GLIS3: variants seen among roughly 807,000 people sequenced by gnomAD.
The protein encoded by GLIS3 is GLIS family zinc finger 3.
A neutral mutation model predicts 78.6 loss-of-function variants in GLIS3; 53 were observed. The observed-to-expected ratio is 0.67, with a 90% CI of 0.54 to 0.85. The LOEUF is 0.85. Ranked by LOEUF, GLIS3 falls within the 40% of genes least tolerant of loss-of-function variation. The probability of loss-of-function intolerance (pLI) is 0.00; values close to 1 mark genes in which losing one functional copy is unlikely to be tolerated. For synonymous variants in GLIS3, 684 were observed against 509.9 expected (o/e 1.34, Z -4.60); for missense variants, 1,703 against 1,231.1 (o/e 1.38, Z -5.74).
intron 3 of GLIS3, among the ~76,000 whole-genome samples, chr9:4,309,832 G>C (rs1371504702): frequency 2.0e-5 from 3 of 152,038 alleles, no homozygotes; most frequent in Non-Finnish European, 2.9e-5. Context: ...AACTCCGAAA[G>C]AGACATGTGA....
chr9:3,983,837 C>G (rs1819508176), intron 4 of GLIS3, among the ~76,000 whole-genome samples: 1 of 152,032 alleles, frequency 6.6e-6, no homozygotes, highest in Non-Finnish European at 1.5e-5. Context: ...AAGCAGAGCA[C>G]AAAAGTTTGG....
At chr9:4,111,675 T>C (rs1831221947) in intron 4 of GLIS3, among the ~76,000 whole-genome samples, 1 of 152,266 alleles carries the variant, frequency 6.6e-6, no homozygotes, top group African/African-American at 2.4e-5. Flanking sequence ...ATGTTGAACA[T>C]GTGCTTACAC....
At chr9:4,233,017 T>A in intron 2 of GLIS3, among the ~76,000 whole-genome samples, 1 of 152,318 alleles carries the variant, frequency 6.6e-6, no homozygotes, top group South Asian at 2.1e-4. Flanking sequence ...AGACCATTAC[T>A]ACCACCACAC....
At chr9:4,176,531 T>C (rs1816827112) in intron 2 of GLIS3, among the ~76,000 whole-genome samples, 3 of 152,170 alleles carry the variant, frequency 2.0e-5, no homozygotes, top group Non-Finnish European at 1.5e-5. Flanking sequence ...TTCTTTACTA[T>C]TGCACTTTTA....
At chr9:4,101,756 T>C (rs1368355753) in intron 4 of GLIS3, among the ~76,000 whole-genome samples, 2 of 151,804 alleles carry the variant, frequency 1.3e-5, no homozygotes, top group Non-Finnish European at 1.5e-5. Context: ...AAGCTTCTTT[T>C]TGGCTTTTCT....
chr9:4,145,315 C>T (rs1834131291), intron 2 of GLIS3: 1 of 152,240 alleles, frequency 6.6e-6, no homozygotes, highest in African/African-American at 2.4e-5. Flanking sequence ...TACATCAATA[C>T]AGGGTACCTC....
At position 4,197,365 on chromosome 9, in the gene GLIS3, A is replaced by G. The variant is rs566739540; in HGVS notation, c.389-71424T>C. ...GCCCTACCCTCCTTGTGTAGAGATCATGGTACAGGGAGGCATTCTCTGCTC... is the reference window on the plus strand; with the variant it reads ...GCCCTACCCTCCTTGTGTAGAGATCGTGGTACAGGGAGGCATTCTCTGCTC... On this transcript the variant is annotated intron_variant, in intron 2 of 10. Transcript: ENST00000381971. 5.0e-4 allele frequency among the ~76,000 whole-genome samples: 75 copies of G among 150,432 alleles called. 1 individual carries two copies. Among genetic ancestry groups the G allele is most frequent in the African/African-American group, 1.7e-3 (70 of 40,920 alleles).
rs759503729 is a variant in GLIS3, at chr9:3,829,366, C to T, written c.2600G>A (p.Gly867Asp). ...GTGGAAAACATCAAAACTGGCCTGG[C>T]CCATGGATGTAGGGACTAGGCAGTC... Reference protein sequence around the residue: ...FEDCLVPTSMGQASFDVFHRA... With the variant: ...FEDCLVPTSMDQASFDVFHRA... Residue 867 changes from glycine (G) to aspartate (D), a missense_variant, in exon 10 of 11, where the codon GGC (glycine) becomes GAC (aspartate). Gly to Asp is a moderately conservative substitution (Grantham distance 94). Coordinates refer to ENST00000381971, the MANE Select transcript of GLIS3 (RefSeq NM_001042413.2). 5 of 1,613,992 alleles carry T rather than the reference C, an allele frequency of 3.1e-6. No individual in the cohort carries two copies. In the East Asian group the frequency reaches 6.7e-5, roughly 22 times the overall value.
chr9:4,070,929 T>A (rs928560523), intron 4 of GLIS3: 4 of 152,192 alleles, frequency 2.6e-5, no homozygotes, highest in African/African-American at 9.7e-5. Flanking sequence ...ACCTGTATGT[T>A]AGCACTCAGA....
At chr9:4,316,861 T>C (rs1360374343) in intron 2 of GLIS3, among the ~76,000 whole-genome samples, 3 of 126,688 alleles carry the variant, frequency 2.4e-5, no homozygotes, top group African/African-American at 6.9e-5. Context: ...GAAGTGTTGG[T>C]GATCTTTATT....
At chr9:4,329,117 T>G (rs918587976) in intron 2 of GLIS3, among the ~76,000 whole-genome samples, 1 of 152,210 alleles carries the variant, frequency 6.6e-6, no homozygotes, top group Non-Finnish European at 1.5e-5. Context: ...ACCAATATAC[T>G]GCCGACTTGG....
At chr9:4,247,049 T>A (rs984119236) in intron 2 of GLIS3, among the ~76,000 whole-genome samples, 1 of 152,210 alleles carries the variant, frequency 6.6e-6, no homozygotes, top group African/African-American at 2.4e-5. Flanking sequence ...TTTAAACCAC[T>A]CTGGGTTTTA....
At chr9:4,154,368 C>T (rs978477521) in intron 2 of GLIS3, among the ~76,000 whole-genome samples, 9 of 151,944 alleles carry the variant, frequency 5.9e-5, no homozygotes, top group Non-Finnish European at 1.3e-4. Context: ...ACAAGAAATT[C>T]CAGGGAAATA....
intron 2 of GLIS3, among the ~76,000 whole-genome samples, chr9:4,218,119 C>G (rs1030118249): frequency 1.3e-5 from 2 of 152,232 alleles, no homozygotes; most frequent in Non-Finnish European, 2.9e-5. Flanking sequence ...TACCCAGTTG[C>G]TGCAGCTGAA....
intron 2 of GLIS3, among the ~76,000 whole-genome samples, chr9:4,265,370 T>G (rs369529082): frequency 1.2e-4 from 17 of 147,228 alleles, no homozygotes; most frequent in African/African-American, 3.9e-4. Flanking sequence ...TTTCCAGGTT[T>G]CTATGAGGTA....
rs75302879 is a variant in GLIS3, at chr9:3,906,892, A to G, written c.1984-8057T>C. ...GAAAAGAGCCTATCTCACTGTCTGC[A>G]AACTTCCCACGTAGCATACTATTCA... On this transcript the variant is annotated intron_variant, in intron 6 of 10. Transcript: ENST00000381971. Among the ~76,000 whole-genome samples the G allele has an allele frequency of 2.8e-3, 432 of 152,310 alleles. 3 individuals carry two copies. Among genetic ancestry groups the G allele is most frequent in the African/African-American group, 0.01 (416 of 41,566 alleles).
chr9:4,432,731 C>G, the GLIS3 span, among the ~76,000 whole-genome samples: 1 of 151,540 alleles, frequency 6.6e-6, no homozygotes, highest in South Asian at 2.1e-4. Context: ...AACTCCGCCC[C>G]CTGCGCTCAA....
At chr9:4,335,553 T>C (rs1180350947) in intron 2 of GLIS3, among the ~76,000 whole-genome samples, 1 of 152,194 alleles carries the variant, frequency 6.6e-6, no homozygotes, top group Non-Finnish European at 1.5e-5. Context: ...AATTCAGTGG[T>C]TCTGGTGTCT....
At chr9:4,247,410 T>C (rs887297054) in intron 2 of GLIS3, among the ~76,000 whole-genome samples, 2 of 152,172 alleles carry the variant, frequency 1.3e-5, no homozygotes. Context: ...AGAAGCATAA[T>C]ATAAAGTATG....
Sources: allele counts gnomAD v4.1 joint callset (sites outside exome capture counted in the v4.1 genomes callset), GRCh38; gene constraint gnomAD v4.1.1; transcripts MANE v1.5; gene names NCBI Gene and HGNC (gene_info 2026-07-23, HGNC 2026-07-21).